The following NLRP2 variants were observed in gnomAD, a reference collection of about 807,000 sequenced individuals.
The protein encoded by NLRP2 is NLR family pyrin domain containing 2, also known as NACHT, LRR and PYD domains-containing protein 2.
In NLRP2, 107 loss-of-function variants were observed where a neutral mutation model predicts 97.2. The ratio of observed to expected loss-of-function variants is 1.10; its 90% CI spans 0.94 to 1.29. The LOEUF (loss-of-function observed/expected upper bound fraction) is 1.29, where lower values mean the gene tolerates loss of function less well. Among genes scored for constraint, NLRP2 ranks in the 50% most tolerant of loss-of-function variants. The pLI is 0.00. For missense variants in NLRP2, 1,495 were observed against 1,330.3 expected (o/e 1.12, Z -1.93); for synonymous variants, 663 against 551.5 (o/e 1.20, Z -2.83).
At chr19:54,966,074 G>C (rs1192661012), upstream of NLRP2, 1 of 150,760 alleles carries the variant, frequency 6.6e-6, no homozygotes, top group African/African-American at 2.4e-5. Flanking sequence ...AATCACAGCT[G>C]AGGCTTCTAA....
intron 11 of NLRP2, among the ~76,000 whole-genome samples, chr19:54,996,054 C>CAAAAAAA (rs1013592892): frequency 9.5e-5 from 11 of 115,944 alleles, no homozygotes; most frequent in Admixed American, 2.3e-4. Flanking sequence ...AAAAAAAAAA[C>CAAAAAAA]AAAAAAAACA....
chr19:54,994,507 A>G (rs1017135839), intron 11 of NLRP2, 68 bp downstream of exon 11: 9 of 1,549,962 alleles, frequency 5.8e-6, no homozygotes, highest in Non-Finnish European at 8.0e-6. Context: ...GTGTAAAATA[A>G]TCAGTGAAGC....
At chr19:54,966,703 G>A (rs1347235919) in intron 1 of NLRP2, among the ~76,000 whole-genome samples, 1 of 151,408 alleles carries the variant, frequency 6.6e-6, no homozygotes, top group Non-Finnish European at 1.5e-5. Context: ...CTGCCACTAT[G>A]CCCAGCTAAT....
Position 54,985,229 on chromosome 19 carries a change from C to T in NLRP2, c.2201+12C>T. On this transcript the variant is annotated intron_variant, in intron 7 of 12. Transcript: ENST00000448584. The stretch of plus-strand genomic sequence containing the variant: ...CTCCAGAGAGTGGTGTAAGTAGAAA[C>T]TAATTCATGAACTCAAATCCTTAGG... 6.2e-7 allele frequency: 1 copy of T among 1,612,266 alleles called. No individual in the cohort carries two copies. Among genetic ancestry groups the T allele is most frequent in the South Asian group, 1.1e-5 (1 of 91,056 alleles).
intron 6 of NLRP2, among the ~76,000 whole-genome samples, chr19:54,984,329 G>GTGTTTTTTTTT: frequency 1.0e-4 from 8 of 79,668 alleles, no homozygotes; most frequent in African/African-American, 3.7e-4. Context: ...TTTTTTTTGT[G>GTGTTTTTTTTT]TTTTTTTTTT....
Position 54,977,787 on chromosome 19 carries a change from G to C in NLRP2, c.361G>C (p.Asp121His), listed in dbSNP as rs201293188. Reference sequence around the variant, plus strand: ...GAAAGAACGACCACCTCTAGACGTGGACGAAATGCTGGAGCGCTTCAAAAC... The same window carrying C: ...GAAAGAACGACCACCTCTAGACGTGCACGAAATGCTGGAGCGCTTCAAAAC... ...TRKERPPLDV[D>H]EMLERFKTEA... Residue 121 changes from aspartate (D) to histidine (H), a missense_variant, in exon 4 of 13, where the codon GAC becomes CAC. Coordinates refer to ENST00000448584, the MANE Select transcript of NLRP2 (RefSeq NM_017852.5). 6.2e-7 allele frequency: 1 copy of C among 1,613,816 alleles called. No individual in the cohort carries two copies. The highest frequency in any genetic ancestry group is 1.1e-5 in the South Asian group (1 of 91,090).
chr19:54,993,689 A>C, intron 10 of NLRP2: 1 of 164,568 alleles, frequency 6.1e-6, no homozygotes, highest in Non-Finnish European at 1.3e-5. Context: ...TACTAAAAAT[A>C]CAAAACTTAG....
At position 54,983,065 on chromosome 19, in the gene NLRP2, A is replaced by G. The variant is rs572155411; in HGVS notation, c.1367A>G (p.Gln456Arg). Residue 456 changes from glutamine (Q) to arginine (R), a missense_variant, in exon 6 of 13, where the codon CAG becomes CGG. Physicochemically the swap from Gln to Arg is conservative, Grantham distance 43. Coordinates refer to ENST00000448584, the MANE Select transcript of NLRP2 (RefSeq NM_017852.5). ...ALRTLSLLAA[Q>R]GLWAQTSVLH... ...CGGACGCTGAGCCTCCTGGCCGCGC[A>G]GGGCCTGTGGGCGCAGACGTCCGTG... The G allele has an allele frequency of 5.6e-6, 9 of 1,612,160 alleles. No homozygotes were observed. In the East Asian group the frequency reaches 8.9e-5, roughly 16 times the overall value.
intron 2 of NLRP2, among the ~76,000 whole-genome samples, chr19:54,972,388 G>A (rs2070920149): frequency 6.6e-6 from 1 of 151,382 alleles, no homozygotes; most frequent in Middle Eastern, 3.5e-3. Flanking sequence ...TCACTATGTT[G>A]GCCAGGCTGG....
intron 2 of NLRP2, among the ~76,000 whole-genome samples, chr19:54,970,770 C>CTTTTTTTTTTTTTTTTTTTCCTTTTTT (rs34406686): frequency 3.7e-5 from 4 of 108,460 alleles, no homozygotes; most frequent in Non-Finnish European, 7.4e-5. Flanking sequence ...CTACCTACTT[C>CTTTTTTTTTTTTTTTTTTTCCTTTTTT]TTTTTTTTTT....
At position 55,000,955 on chromosome 19, in the gene NLRP2, C is replaced by G. The variant is rs562559152; in HGVS notation, c.*57C>G. 2.7e-6 allele frequency: 4 copies of G among 1,509,376 alleles called. No homozygotes were observed. Among genetic ancestry groups the G allele is most frequent in the South Asian group, 2.2e-5 (2 of 89,044 alleles). 93.5% of individuals were successfully genotyped at this position (1,509,376 alleles called of 1,614,324 possible). ...CATCGATTTTCCAGGTGTTGGTGAA[C>G]TGCCTGTGACTCCTCTCCTCCCCGG... On this transcript the variant is annotated 3_prime_UTR_variant, in exon 13 of 13. Transcript: ENST00000448584.
intron 4 of NLRP2, 104 bp from the exon 5 acceptor site, chr19:54,981,513 C>CCCCCCCCCCCCGCCCCCCCCA: frequency 3.7e-6 from 1 of 268,624 alleles, no homozygotes; most frequent in Non-Finnish European, 8.2e-6. Context: ...TCCCGTGCCC[C>CCCCCCCCCCCCGCCCCCCCCA]CCCTCCCCCC....
chr19:54,974,438 A>G (rs899567718), intron 2 of NLRP2, 62 bp from the exon 3 acceptor site: 53 of 1,164,006 alleles, frequency 4.6e-5, no homozygotes, highest in African/African-American at 1.2e-4. Flanking sequence ...TTCTTTTATG[A>G]AGGCAATAAA....
At position 54,986,222 on chromosome 19, in the gene NLRP2, C is replaced by G. The variant is rs200375320; in HGVS notation, c.2273C>G (p.Thr758Arg). The stretch of plus-strand genomic sequence containing the variant: ...GCTCTTCGAGGTCACAAGACTGTAA[C>G]GTATCTGACCCTTCAAGGCAATGAC... ...CLALRGHKTV[T>R]YLTLQGNDQD... The change falls in exon 8 of 13, where the codon ACG becomes AGG. Residue 758 changes from threonine to arginine, a missense_variant. By Grantham distance (71) the Thr-to-Arg change is moderately conservative. Coordinates refer to ENST00000448584, the MANE Select transcript of NLRP2 (RefSeq NM_017852.5). 1.2e-5 allele frequency: 20 copies of G among 1,612,348 alleles called. No homozygotes were observed. The highest frequency in any genetic ancestry group is 1.1e-4 in the East Asian group (5 of 44,886).
In NLRP2 at chr19:54,982,861, A is replaced by G. The variant is rs199715336; in HGVS notation, c.1163A>G (p.Asn388Ser). ...AMRAFELMRS[N>S]AALFQLGSAP... is the part of the protein sequence containing the mutation. Reference sequence around the variant, plus strand: ...CGTGCCTTTGAGCTAATGAGGAGCAACGCGGCCCTGTTCCAGCTGGGCTCG... The same window carrying G: ...CGTGCCTTTGAGCTAATGAGGAGCAGCGCGGCCCTGTTCCAGCTGGGCTCG... Residue 388 changes from asparagine (N) to serine (S), a missense_variant, in exon 6 of 13, where the codon AAC becomes AGC. Physicochemically the swap from Asn to Ser is conservative, Grantham distance 46. Coordinates refer to ENST00000448584, the MANE Select transcript of NLRP2 (RefSeq NM_017852.5). 1.2e-6 allele frequency: 2 copies of G among 1,613,120 alleles called. No homozygotes were observed. The highest frequency in any genetic ancestry group is 4.5e-5 in the East Asian group (2 of 44,868).
intron 6 of NLRP2, among the ~76,000 whole-genome samples, chr19:54,984,522 T>A (rs10425601): frequency 0.083 from 11,278 of 136,700 alleles, 748 homozygotes; most frequent in East Asian, 0.22. Context: ...TCACTCTTTT[T>A]CCCAGGTCGG....
Position 54,986,154 on chromosome 19 carries a change from C to A in NLRP2, c.2205C>A (p.Phe735Leu), listed in dbSNP as rs771454157. The stretch of plus-strand genomic sequence containing the variant: ...ACTTTCGTTCTCTTTTCCCTAGGTT[C>A]AAAAACATTTCCCCAGCTGATGCTC... The part of the protein sequence containing the change: ...SDTCHLQRVV[F>L]KNISPADAHR... The change falls in exon 8 of 13, where the codon TTC becomes TTA. Residue 735 changes from phenylalanine (F) to leucine (L), a missense_variant. Coordinates refer to ENST00000448584, the MANE Select transcript of NLRP2 (RefSeq NM_017852.5). The A allele has an allele frequency of 1.2e-6, 2 of 1,611,942 alleles. No individual in the cohort carries two copies. The highest frequency in any genetic ancestry group is 1.7e-6 in the Non-Finnish European group (2 of 1,178,090).
In NLRP2 at chr19:54,970,329, A is replaced by G. The variant is rs760941096; in HGVS notation, c.280+34A>G. 11 of 1,612,848 alleles carry G rather than the reference A, an allele frequency of 6.8e-6. No homozygotes were observed. The East Asian group carries it at 2.5e-4, about 36-fold the overall frequency. ...AAATCGGTCCACACTGTGTCCTAGGAGGAAGCAGGCGTCCTCTCCAGGACT... is the reference window on the plus strand; with the variant it reads ...AAATCGGTCCACACTGTGTCCTAGGGGGAAGCAGGCGTCCTCTCCAGGACT... On this transcript the variant is annotated intron_variant, in intron 2 of 12. Transcript: ENST00000448584.
Position 54,982,942 on chromosome 19 carries a change from G to C in NLRP2, c.1244G>C (p.Gly415Ala), listed in dbSNP as rs1034479481. The part of the protein sequence containing the change: ...CTTLKLQMEK[G>A]EDPVPTCLTR... ...ACTCTGAAGCTGCAGATGGAGAAGGGGGAGGACCCGGTCCCCACCTGCCTC... is the reference window on the plus strand; with the variant it reads ...ACTCTGAAGCTGCAGATGGAGAAGGCGGAGGACCCGGTCCCCACCTGCCTC... The change falls in exon 6 of 13, where the codon GGG (glycine) becomes GCG (alanine). Residue 415 changes from glycine (G) to alanine (A), a missense_variant. Gly to Ala is a moderately conservative substitution (Grantham distance 60). Coordinates refer to ENST00000448584, the MANE Select transcript of NLRP2 (RefSeq NM_017852.5). 1 of 1,612,692 alleles carries C rather than the reference G, an allele frequency of 6.2e-7. No individual in the cohort carries two copies. Among genetic ancestry groups the C allele is most frequent in the Non-Finnish European group, 8.5e-7 (1 of 1,180,008 alleles).
Sources: gnomAD v4.1 joint callset for allele counts (sites outside exome capture counted in the v4.1 genomes callset) on GRCh38, gnomAD v4.1.1 for gene constraint, MANE v1.5 for transcripts, NCBI Gene and HGNC (gene_info 2026-07-23, HGNC 2026-07-21) for gene names.